GPHN: variants seen among roughly 807,000 people sequenced by gnomAD.
GPHN encodes the protein gephyrin.
In GPHN, 17 loss-of-function variants were observed where a neutral mutation model predicts 95.5. That is an observed-to-expected ratio of 0.18 (90% confidence interval 0.12 to 0.27). The LOEUF (loss-of-function observed/expected upper bound fraction) is 0.27, where lower values mean the gene tolerates loss of function less well. Ranked by LOEUF, GPHN falls within the 10% of genes least tolerant of loss-of-function variation. The pLI is 1.00. For missense variants in GPHN, 660 were observed against 978.1 expected (o/e 0.67, Z 4.34); for synonymous variants, 320 against 322.5 (o/e 0.99, Z 0.08).
At chr14:67,287,972 G>C in the GPHN span, among the ~76,000 whole-genome samples, 1 of 152,170 alleles carries the variant, frequency 6.6e-6, no homozygotes, top group Admixed American at 6.5e-5. Flanking sequence ...AGACCCAGTA[G>C]GGATACAATT....
intron 11 of GPHN, among the ~76,000 whole-genome samples, chr14:67,088,181 A>G (rs2076986189): frequency 1.3e-5 from 2 of 152,134 alleles, no homozygotes; most frequent in South Asian, 4.1e-4. Context: ...TTCTCTTCTT[A>G]AGAAAAAAAC....
the GPHN span, among the ~76,000 whole-genome samples, chr14:67,332,131 G>A: frequency 2.2e-4 from 34 of 152,236 alleles, no homozygotes; most frequent in African/African-American, 7.7e-4. Context: ...CATTGGCAGG[G>A]GTGATTTGAG....
Position 66,549,255 on chromosome 14 carries a change from T to G in GPHN, c.64+40664T>G, listed in dbSNP as rs114566615. Among the ~76,000 whole-genome samples, 555 of 152,314 alleles carry G rather than the reference T, an allele frequency of 3.6e-3. 12 individuals carry two copies. The highest frequency in any genetic ancestry group is 0.013 in the African/African-American group (529 of 41,566). On this transcript the variant is annotated intron_variant, in intron 1 of 22. Coordinates refer to ENST00000478722, the MANE Select transcript of GPHN (RefSeq NM_020806.5). ...CAGGGGGTTGGTGAACAGATTATTT[T>G]GTCACCTGGAAAAATTATTGAAGGA...
At chr14:67,348,883 C>T in the GPHN span, 2 of 725,948 alleles carry the variant, frequency 2.8e-6, no homozygotes, top group African/African-American at 3.6e-5. Flanking sequence ...TAATTAGAAA[C>T]CTGGTTGTTA....
chr14:67,140,616 A>T (rs2080398216), intron 17 of GPHN, among the ~76,000 whole-genome samples: 1 of 152,196 alleles, frequency 6.6e-6, no homozygotes, highest in African/African-American at 2.4e-5. Flanking sequence ...ATAAAATTAT[A>T]TTTGTTGATA....
chr14:67,279,405 C>T, the GPHN span: 1 of 1,613,970 alleles, frequency 6.2e-7, no homozygotes, highest in Admixed American at 1.7e-5. Flanking sequence ...AAAGCAAGAA[C>T]TTGACCTTAA....
intron 5 of GPHN, among the ~76,000 whole-genome samples, chr14:66,907,150 G>A (rs2065425228): frequency 6.6e-6 from 1 of 152,064 alleles, no homozygotes; most frequent in South Asian, 2.1e-4. Context: ...AGCCTTATTC[G>A]TAATTGCCAA....
the GPHN span, chr14:67,473,472 C>T: frequency 6.2e-7 from 1 of 1,614,210 alleles, no homozygotes; most frequent in Non-Finnish European, 8.5e-7. This position sits in a 1 kb window ranked among gnomAD's most constrained non-coding sequence, Gnocchi z 6.5. Flanking sequence ...GCTGGGCTCC[C>T]CGGGCTCAGC....
At chr14:67,008,510 C>G (rs141609563) in intron 9 of GPHN, among the ~76,000 whole-genome samples, 3 of 151,702 alleles carry the variant, frequency 2.0e-5, no homozygotes, top group African/African-American at 7.2e-5. Context: ...AAATACCTGT[C>G]TTTTCTCTTA....
intron 1 of GPHN, among the ~76,000 whole-genome samples, chr14:66,609,584 G>C (rs1190337262): frequency 6.6e-6 from 1 of 151,546 alleles, no homozygotes; most frequent in African/African-American, 2.4e-5. Flanking sequence ...CCTAGGTTTG[G>C]TCTCTATATA....
the GPHN span, among the ~76,000 whole-genome samples, chr14:67,208,010 C>T: frequency 6.6e-6 from 1 of 152,220 alleles, no homozygotes; most frequent in Non-Finnish European, 1.5e-5. Flanking sequence ...GGCTCCCACA[C>T]AGCCTGCCGC....
intron 3 of GPHN, among the ~76,000 whole-genome samples, chr14:66,814,668 C>G (rs2060894526): frequency 6.6e-6 from 1 of 152,160 alleles, no homozygotes; most frequent in Non-Finnish European, 1.5e-5. Flanking sequence ...CAAAGGTCAG[C>G]AACCTCAAAG....
At chr14:67,438,381 T>G in the GPHN span, among the ~76,000 whole-genome samples, 2 of 152,182 alleles carry the variant, frequency 1.3e-5, no homozygotes, top group Non-Finnish European at 2.9e-5. Context: ...GATTTCTGAC[T>G]GCAAAATGGG....
At chr14:66,622,867 T>C (rs1055623563) in intron 1 of GPHN, among the ~76,000 whole-genome samples, 12 of 152,182 alleles carry the variant, frequency 7.9e-5, no homozygotes, top group Admixed American at 4.6e-4. Context: ...TTCCAAACTT[T>C]CCCAGATTTT....
At chr14:67,261,750 C>A in the GPHN span, among the ~76,000 whole-genome samples, 1 of 148,286 alleles carries the variant, frequency 6.7e-6, no homozygotes, top group Non-Finnish European at 1.5e-5. Context: ...TGATTGCCTT[C>A]GCTGCTTGGT....
the GPHN span, chr14:67,674,327 A>C: frequency 1.3e-6 from 2 of 1,482,884 alleles, no homozygotes; most frequent in Non-Finnish European, 1.8e-6. Context: ...CTTCCTTCCA[A>C]AGCGCGCAGG....
intron 11 of GPHN, among the ~76,000 whole-genome samples, chr14:67,075,736 G>A (rs940105251): frequency 1.3e-5 from 2 of 152,162 alleles, no homozygotes; most frequent in African/African-American, 2.4e-5. Flanking sequence ...CTACGATGTC[G>A]TCAAAATAGC....
intron 4 of GPHN, among the ~76,000 whole-genome samples, chr14:66,833,041 C>A (rs1465845163): frequency 6.6e-6 from 1 of 152,150 alleles, no homozygotes; most frequent in Non-Finnish European, 1.5e-5. Flanking sequence ...TATTTTATTT[C>A]TTTCAGACTG....
At chr14:66,596,416 C>T (rs528909239) in intron 1 of GPHN, among the ~76,000 whole-genome samples, 5 of 152,192 alleles carry the variant, frequency 3.3e-5, no homozygotes, top group East Asian at 1.9e-4. Context: ...CTGCCATCCA[C>T]GGTGCCCATG....
Sources: gnomAD v4.1 joint callset for allele counts (sites outside exome capture counted in the v4.1 genomes callset) on GRCh38, gnomAD v4.1.1 for gene constraint, Gnocchi (gnomAD v3.1) non-coding constraint, MANE v1.5 for transcripts, NCBI Gene and HGNC (gene_info 2026-07-23, HGNC 2026-07-21) for gene names.